Variants in CCDC85C observed in about 807,000 individuals in gnomAD.
The protein encoded by CCDC85C is coiled-coil domain containing 85C.
In CCDC85C, 18 loss-of-function variants were observed where a neutral mutation model predicts 38.3. The ratio of observed to expected loss-of-function variants is 0.47; its 90% CI spans 0.33 to 0.70. CCDC85C has a LOEUF of 0.70. CCDC85C is among the 30% of genes least tolerant of loss of function. The pLI is 0.03. For missense variants in CCDC85C, 566 were observed against 621.2 expected, an observed-to-expected ratio of 0.91 and a Z score of 0.94; for synonymous variants, 264 against 293.8, an observed-to-expected ratio of 0.90 and a Z score of 1.04.
At chr14:99,587,870 C>T (rs2055043976) in intron 1 of CCDC85C, among the ~76,000 whole-genome samples, 1 of 152,168 alleles carries the variant, frequency 6.6e-6, no homozygotes. Flanking sequence ...CCTGGAGCCC[C>T]CACATCACAG....
chr14:99,516,135 C>T lies in CCDC85C; in HGVS notation c.1170+53G>A. ...GAAGGGTATGGCCATGCTGGGTGGC[C>T]CTGGTCGCACTCCCAGTGCCAAGCC... On this transcript the variant is annotated intron_variant, in intron 5 of 5. Coordinates refer to ENST00000380243, the MANE Select transcript of CCDC85C (RefSeq NM_001144995.2). The surrounding 1 kb of genome is among the most constrained non-coding windows in gnomAD (Gnocchi z 5.5). 7.3e-7 allele frequency: 1 copy of T among 1,372,708 alleles called. No individual in the cohort carries two copies. Among genetic ancestry groups the T allele is most frequent in the Non-Finnish European group, 1.0e-6 (1 of 985,658 alleles). 85.0% of individuals were successfully genotyped at this position (1,372,708 alleles called of 1,614,324 possible). A position where few individuals can be genotyped will look rare whatever the true frequency, so the allele number is the denominator to read the frequency against.
intron 1 of CCDC85C, among the ~76,000 whole-genome samples, chr14:99,566,220 G>A (rs1898212716): frequency 6.6e-6 from 1 of 152,206 alleles, no homozygotes; most frequent in Non-Finnish European, 1.5e-5. Context: ...ACTCCTGCCA[G>A]TCAGCATCAC....
Position 99,515,189 on chromosome 14 carries a change from T to C in CCDC85C, c.*57A>G. 1 of 1,356,252 alleles carries C rather than the reference T, an allele frequency of 7.4e-7. No individual in the cohort carries two copies. Among genetic ancestry groups the C allele is most frequent in the Non-Finnish European group, 1.0e-6 (1 of 978,214 alleles). 84.0% of individuals were successfully genotyped at this position (1,356,252 alleles called of 1,614,324 possible). ...GGAGGTCCTGCCCGTGTCTGGGGCCTGAAACTCCCCCTGGGGACCCCCAGC... is the reference window on the plus strand; with the variant it reads ...GGAGGTCCTGCCCGTGTCTGGGGCCCGAAACTCCCCCTGGGGACCCCCAGC... On this transcript the variant is annotated 3_prime_UTR_variant, in exon 6 of 6. Coordinates refer to ENST00000380243, the MANE Select transcript of CCDC85C (RefSeq NM_001144995.2).
intron 1 of CCDC85C, among the ~76,000 whole-genome samples, chr14:99,589,395 G>A (rs570355669): frequency 1.1e-4 from 17 of 152,158 alleles, no homozygotes; most frequent in Admixed American, 6.5e-4. Flanking sequence ...AACCACGAAC[G>A]TGCATTCAGT....
At position 99,512,055 on chromosome 14, in the gene CCDC85C, T is replaced by C. The variant is rs1441386697; in HGVS notation, c.*3191A>G. The stretch of plus-strand genomic sequence containing the variant: ...GCCAGGAGGCTCACAAAGAGGCCTT[T>C]ATTTATCTAGCTCAAAGTAGACACT... On this transcript the variant is annotated 3_prime_UTR_variant, in exon 6 of 6. Coordinates refer to ENST00000380243, the MANE Select transcript of CCDC85C (RefSeq NM_001144995.2). 6.6e-6 allele frequency: 1 copy of C among 152,264 alleles called. No homozygotes were observed. The highest frequency in any genetic ancestry group is 2.4e-5 in the African/African-American group (1 of 41,464). The allele number at this position is 152,264 out of a possible 1,614,324, so 9.4% of individuals were successfully genotyped here.
chr14:99,503,500 G>C lies in CCDC85C; in HGVS notation c.*11746C>G, dbSNP rs1016186928. 3.6e-5 allele frequency: 31 copies of C among 861,442 alleles called. No individual in the cohort carries two copies. The East Asian group carries it at 6.9e-4, about 19-fold the overall frequency. The allele number at this position is 861,442 out of a possible 1,614,324, so 53.4% of individuals were successfully genotyped here. On this transcript the variant is annotated 3_prime_UTR_variant, in exon 6 of 6. Transcript: ENST00000380243. ...CAGGCTAGAAATAATTTTTGTCCGA[G>C]GCTGTTCACAGTGACTGCCGTCGCT...
In CCDC85C at chr14:99,603,255, G is replaced by C; in HGVS notation, c.705C>G (p.Ala235=). Residue 235 remains alanine (A), a synonymous_variant, in exon 1 of 6, where the codon GCC becomes GCG. Transcript: ENST00000380243. This position sits in a 1 kb window ranked among gnomAD's most constrained non-coding sequence, Gnocchi z 7.5. ...GTGTGGCTCCTGCCTTGCCGTCGGG[G>C]GCCTTGTGCGGCCCGGGGGGCAGCA... is the stretch of plus-strand genomic sequence containing the variant. ...PPLLPPGPHK[A]PDGKAGATRR... is the part of the protein sequence containing the mutation. The C allele has an allele frequency of 7.2e-7, 1 of 1,390,712 alleles. No individual in the cohort carries two copies. The highest frequency in any genetic ancestry group is 9.3e-7 in the Non-Finnish European group (1 of 1,078,832). 86.1% of individuals were successfully genotyped at this position (1,390,712 alleles called of 1,614,324 possible).
chr14:99,510,373 A>G lies in CCDC85C; in HGVS notation c.*4873T>C, dbSNP rs201501099. The G allele has an allele frequency of 4.6e-4, 725 of 1,566,434 alleles. 5 individuals carry two copies. Among genetic ancestry groups the G allele is most frequent in the Non-Finnish European group, 3.8e-5 (44 of 1,160,076 alleles). ...TCCTACATGTCTGGAGAGGGCTACC[A>G]GAGCCTGCAGTCCATGATGAAGACC... On this transcript the variant is annotated 3_prime_UTR_variant, in exon 6 of 6. Transcript: ENST00000380243.
intron 1 of CCDC85C, among the ~76,000 whole-genome samples, chr14:99,541,735 A>T (rs2139926282): frequency 6.6e-6 from 1 of 152,322 alleles, no homozygotes; most frequent in Middle Eastern, 3.4e-3. Flanking sequence ...GTGGGCTCAG[A>T]AACAGGAAGT....
chr14:99,502,401 G>T lies in CCDC85C; in HGVS notation c.*12845C>A, dbSNP rs116241246. The T allele has an allele frequency of 1.2e-6, 2 of 1,608,850 alleles. No homozygotes were observed. Among genetic ancestry groups the T allele is most frequent in the East Asian group, 2.2e-5 (1 of 44,844 alleles). On this transcript the variant is annotated 3_prime_UTR_variant, in exon 6 of 6. Transcript: ENST00000380243. ...GGTACCAGGCATGCTAAGCGTTCTCGTGAGGGTGTTCCATGTTGAGATGAT... is the reference window on the plus strand; with the variant it reads ...GGTACCAGGCATGCTAAGCGTTCTCTTGAGGGTGTTCCATGTTGAGATGAT...
At position 99,548,606 on chromosome 14, in the gene CCDC85C, G is replaced by C. The variant is rs1295477751; in HGVS notation, c.794-12518C>G. On this transcript the variant is annotated intron_variant, in intron 1 of 5. Coordinates refer to ENST00000380243, the MANE Select transcript of CCDC85C (RefSeq NM_001144995.2). This position sits in a 1 kb window ranked among gnomAD's most constrained non-coding sequence, Gnocchi z 4.9. ...TAAACCACCCAAATGCCCTCCCCAG[G>C]AGACCAGACAAATTGTCGTTTAACC... Among the ~76,000 whole-genome samples the C allele has an allele frequency of 6.6e-6, 1 of 151,450 alleles. No individual in the cohort carries two copies. Among genetic ancestry groups the C allele is most frequent in the African/African-American group, 2.4e-5 (1 of 41,184 alleles).
intron 1 of CCDC85C, among the ~76,000 whole-genome samples, chr14:99,586,390 T>G (rs576424399): frequency 5.9e-5 from 9 of 152,344 alleles, no homozygotes; most frequent in African/African-American, 2.2e-4. Flanking sequence ...CAGCCTGGCA[T>G]GGAAAAGGTC....
intron 1 of CCDC85C, 113 bp from the exon 2 acceptor site, chr14:99,536,201 ACCCCACAGCCAGGTGACGCCCCAGCCC>A (rs1897595804): frequency 1.3e-6 from 1 of 753,078 alleles, no homozygotes; most frequent in African/African-American, 1.7e-5. Context: ...GAGGAGTCCC[ACCCCACAGCCAGGTGACGCCCCAGCCC>A]CTCCGAGCCC....
intron 1 of CCDC85C, among the ~76,000 whole-genome samples, chr14:99,554,657 G>A (rs57435002): frequency 0.019 from 2,886 of 152,350 alleles, 83 homozygotes; most frequent in African/African-American, 0.065. Context: ...CCAGGCTCAA[G>A]CTCCTCTTCT....
chr14:99,539,526 CA>C (rs1448898027), intron 1 of CCDC85C, among the ~76,000 whole-genome samples: 1 of 150,986 alleles, frequency 6.6e-6, no homozygotes, highest in Non-Finnish European at 1.5e-5. Context: ...ACAGAGTGGC[CA>C]AAACTGGAAA....
rs1426186171 is a variant in CCDC85C at position 99,508,874 on chromosome 14, A to G, written c.*6372T>C. ...AGGTGGCTGTGGAGTGACACACAGGAGGCATTGAAGGGTGTCAGCACTTTT... is the reference window on the plus strand; with the variant it reads ...AGGTGGCTGTGGAGTGACACACAGGGGGCATTGAAGGGTGTCAGCACTTTT... On this transcript the variant is annotated 3_prime_UTR_variant, in exon 6 of 6. Transcript: ENST00000380243. 1 of 152,332 alleles carries G rather than the reference A, an allele frequency of 6.6e-6. No individual in the cohort carries two copies. Among genetic ancestry groups the G allele is most frequent in the Non-Finnish European group, 1.5e-5 (1 of 68,140 alleles). 9.4% of individuals were successfully genotyped at this position (152,332 alleles called of 1,614,324 possible).
Position 99,500,897 on chromosome 14 carries a change from T to C in CCDC85C, c.*14349A>G. On this transcript the variant is annotated 3_prime_UTR_variant, in exon 6 of 6. Coordinates refer to ENST00000380243, the MANE Select transcript of CCDC85C (RefSeq NM_001144995.2). The stretch of plus-strand genomic sequence containing the variant: ...GTAAGAAGAAAGTTTTCAGAAGAAT[T>C]TTTTCATTCTGAAATCAAGTCTTTA... The C allele has an allele frequency of 7.6e-7, 1 of 1,323,032 alleles. No individual in the cohort carries two copies. The highest frequency in any genetic ancestry group is 1.0e-6 in the Non-Finnish European group (1 of 953,636). The allele number at this position is 1,323,032 out of a possible 1,614,324, so 82.0% of individuals were successfully genotyped here.
intron 1 of CCDC85C, among the ~76,000 whole-genome samples, chr14:99,598,062 A>G (rs1010307148): frequency 1.3e-5 from 2 of 151,952 alleles, no homozygotes; most frequent in African/African-American, 4.9e-5. Flanking sequence ...CAGATCACTA[A>G]CCAGAGGGCT....
intron 1 of CCDC85C, among the ~76,000 whole-genome samples, chr14:99,586,885 C>A (rs946315698): frequency 6.6e-6 from 1 of 152,224 alleles, no homozygotes; most frequent in African/African-American, 2.4e-5. Context: ...TCCCACCAGG[C>A]GGCCTCAGGG....
Sources: allele counts gnomAD v4.1 joint callset (sites outside exome capture counted in the v4.1 genomes callset), GRCh38; gene constraint gnomAD v4.1.1; non-coding constraint Gnocchi (gnomAD v3.1); transcripts MANE v1.5; gene names NCBI Gene and HGNC (gene_info 2026-07-23, HGNC 2026-07-21).